Variants in DOK5 observed in about 807,000 individuals in gnomAD.
DOK5 encodes downstream of tyrosine kinase 5.
Under a neutral mutation model 43.3 loss-of-function variants are expected in DOK5, and 27 were observed. That is an observed-to-expected ratio of 0.62 (90% CI 0.46 to 0.86). DOK5 has a LOEUF of 0.86. DOK5 is among the 40% of genes least tolerant of loss of function. DOK5 has a pLI of 0.00. For missense variants in DOK5, 373 were observed against 392.9 expected (o/e 0.95, Z 0.43); for synonymous variants, 146 against 140.1 (o/e 1.04, Z -0.30).
At chr20:54,586,337 A>T (rs931026021) in intron 2 of DOK5, among the ~76,000 whole-genome samples, 1 of 152,186 alleles carries the variant, frequency 6.6e-6, no homozygotes, top group Non-Finnish European at 1.5e-5. Flanking sequence ...GCCAGGGCAC[A>T]TTTCCTAGAG....
At position 54,576,396 on chromosome 20, in the gene DOK5, G is replaced by A. The variant is rs73140154; in HGVS notation, c.175-12087G>A. Among the ~76,000 whole-genome samples the A allele has an allele frequency of 2.4e-3, 364 of 152,096 alleles. 1 individual carries two copies. The highest frequency in any genetic ancestry group is 4.8e-3 in the Admixed American group (73 of 15,284). On this transcript the variant is annotated intron_variant, in intron 2 of 7. Coordinates refer to ENST00000262593, the MANE Select transcript of DOK5 (RefSeq NM_018431.5). ...GAATCTCACAGACATGATATTGGAC[G>A]AATGAATCCAGACACACACACAAAA... is the stretch of plus-strand genomic sequence containing the variant.
intron 6 of DOK5, among the ~76,000 whole-genome samples, chr20:54,629,701 A>G (rs1001260080): frequency 1.3e-5 from 2 of 152,194 alleles, no homozygotes; most frequent in African/African-American, 4.8e-5. Flanking sequence ...TCAACAATCA[A>G]TATATAAATA....
chr20:54,548,308 C>G (rs543468453), intron 1 of DOK5, among the ~76,000 whole-genome samples: 2 of 152,006 alleles, frequency 1.3e-5, no homozygotes, highest in Non-Finnish European at 2.9e-5. Flanking sequence ...AATCTTGACT[C>G]ACTGCAGCCT....
At chr20:54,482,126 C>T (rs1303914124) in intron 1 of DOK5, among the ~76,000 whole-genome samples, 1 of 152,084 alleles carries the variant, frequency 6.6e-6, no homozygotes, top group Non-Finnish European at 1.5e-5. Flanking sequence ...TAAGATTTCG[C>T]CTTTATAAGA....
chr20:54,526,147 T>G (rs1416199388), intron 1 of DOK5, among the ~76,000 whole-genome samples: 1 of 152,136 alleles, frequency 6.6e-6, no homozygotes, highest in Non-Finnish European at 1.5e-5. Flanking sequence ...TTTCTTTTTT[T>G]TTTTTTTTAA....
At chr20:54,624,721 T>TCC in intron 6 of DOK5, among the ~76,000 whole-genome samples, 1 of 152,320 alleles carries the variant, frequency 6.6e-6, no homozygotes, top group South Asian at 2.1e-4. Context: ...GTGAATTTGT[T>TCC]TTATGCATGT....
chr20:54,613,224 C>T (rs1568810893), intron 6 of DOK5, among the ~76,000 whole-genome samples: 1 of 146,172 alleles, frequency 6.8e-6, no homozygotes, highest in Non-Finnish European at 1.5e-5. Context: ...CTCTCGTCAC[C>T]TCTCTCTCTC....
intron 2 of DOK5, among the ~76,000 whole-genome samples, chr20:54,560,724 G>A (rs1039725888): frequency 5.9e-5 from 9 of 152,150 alleles, no homozygotes; most frequent in African/African-American, 1.9e-4. Context: ...GGGTCCAAGT[G>A]ATTCTTCTGC....
At chr20:54,507,232 A>C (rs1002596727) in intron 1 of DOK5, among the ~76,000 whole-genome samples, 2 of 152,196 alleles carry the variant, frequency 1.3e-5, no homozygotes, top group African/African-American at 4.8e-5. Flanking sequence ...TGAAAATGAT[A>C]GGTCGAGGTA....
chr20:54,564,229 C>T (rs1985013402), intron 2 of DOK5, among the ~76,000 whole-genome samples: 2 of 152,058 alleles, frequency 1.3e-5, no homozygotes, highest in African/African-American at 4.8e-5. Flanking sequence ...CAAGACAATC[C>T]TGGCTAACAC....
At chr20:54,615,899 CA>C (rs71196458) in intron 6 of DOK5, among the ~76,000 whole-genome samples, 51 of 144,728 alleles carry the variant, frequency 3.5e-4, no homozygotes, top group Admixed American at 6.2e-4. Flanking sequence ...GACTCCATCT[CA>C]AAAAAAAAAA....
intron 1 of DOK5, among the ~76,000 whole-genome samples, chr20:54,481,850 G>A (rs938192497): frequency 6.6e-6 from 1 of 152,154 alleles, no homozygotes; most frequent in East Asian, 1.9e-4. Context: ...TAAAAATATG[G>A]AGACTCTTAC....
At chr20:54,592,391 G>T (rs6014069) in intron 5 of DOK5, among the ~76,000 whole-genome samples, 1,686 of 152,172 alleles carry the variant, frequency 0.011, 32 homozygotes, top group African/African-American at 0.038. Flanking sequence ...GGGTTAATCT[G>T]GGAGAGATTA....
intron 6 of DOK5, among the ~76,000 whole-genome samples, chr20:54,635,747 C>T (rs1978794763): frequency 6.6e-6 from 1 of 152,212 alleles, no homozygotes; most frequent in Non-Finnish European, 1.5e-5. Flanking sequence ...TATGGTCACT[C>T]ATATTTAGCT....
intron 5 of DOK5, among the ~76,000 whole-genome samples, chr20:54,601,004 T>C (rs939151222): frequency 2.0e-5 from 3 of 152,136 alleles, no homozygotes; most frequent in Non-Finnish European, 4.4e-5. Context: ...GCCATGTGGG[T>C]AACAGTGAAT....
At chr20:54,645,123 C>T (rs1979345849) in intron 7 of DOK5, among the ~76,000 whole-genome samples, 1 of 146,964 alleles carries the variant, frequency 6.8e-6, no homozygotes, top group Non-Finnish European at 1.5e-5. Flanking sequence ...TGATGAGGTA[C>T]AAGACCACCA....
At chr20:54,623,510 A>G (rs1200505225) in intron 6 of DOK5, among the ~76,000 whole-genome samples, 1 of 152,194 alleles carries the variant, frequency 6.6e-6, no homozygotes, top group Non-Finnish European at 1.5e-5. Flanking sequence ...TAGTGCATGT[A>G]AGGCAACGAG....
At chr20:54,599,423 G>A (rs1316288371) in intron 5 of DOK5, among the ~76,000 whole-genome samples, 1 of 152,162 alleles carries the variant, frequency 6.6e-6, no homozygotes, top group Non-Finnish European at 1.5e-5. Flanking sequence ...TCAGAAGGGA[G>A]CATTCTCTTT....
intron 1 of DOK5, among the ~76,000 whole-genome samples, chr20:54,524,337 T>A (rs1369247072): frequency 6.6e-6 from 1 of 152,150 alleles, no homozygotes; most frequent in African/African-American, 2.4e-5. Flanking sequence ...CTTGACAACA[T>A]AAACAGATAT....
Sources: gnomAD v4.1 joint callset for allele counts (sites outside exome capture counted in the v4.1 genomes callset) on GRCh38, gnomAD v4.1.1 for gene constraint, MANE v1.5 for transcripts, NCBI Gene and HGNC (gene_info 2026-07-23, HGNC 2026-07-21) for gene names.